The following NOS1AP variants were observed in gnomAD, a reference collection of about 807,000 sequenced individuals.
The protein encoded by NOS1AP is carboxyl-terminal PDZ ligand of neuronal nitric oxide synthase protein.
In NOS1AP, 21 loss-of-function variants were observed where a neutral mutation model predicts 56.2. The observed-to-expected ratio is 0.37, with a 90% CI of 0.26 to 0.54. The LOEUF (loss-of-function observed/expected upper bound fraction) is 0.54. NOS1AP is among the 20% of genes least tolerant of loss of function. The pLI is 0.84. For missense variants in NOS1AP, 522 were observed against 657.8 expected, an observed-to-expected ratio of 0.79 and a Z score of 2.26; for synonymous variants, 270 against 274.6, an observed-to-expected ratio of 0.98 and a Z score of 0.17.
chr1:162,198,103 A>G (rs1388301683), intron 2 of NOS1AP, among the ~76,000 whole-genome samples: 2 of 152,096 alleles, frequency 1.3e-5, no homozygotes, highest in African/African-American at 2.4e-5. Context: ...GCGTTCTAGG[A>G]GCATGATGAG....
chr1:162,168,635 AG>A (rs1472484097), intron 2 of NOS1AP, among the ~76,000 whole-genome samples: 2 of 151,488 alleles, frequency 1.3e-5, no homozygotes, highest in African/African-American at 4.8e-5. Context: ...GCTTGTGGGC[AG>A]GGGGGTGTGT....
chr1:162,229,914 C>G (rs1166395150), intron 2 of NOS1AP, among the ~76,000 whole-genome samples: 1 of 151,872 alleles, frequency 6.6e-6, no homozygotes, highest in African/African-American at 2.4e-5. Context: ...TTTTTCATTA[C>G]TAATGGTATC....
intron 2 of NOS1AP, among the ~76,000 whole-genome samples, chr1:162,250,073 A>G (rs1162427825): frequency 6.6e-6 from 1 of 152,214 alleles, no homozygotes; most frequent in Non-Finnish European, 1.5e-5. Context: ...CTCTCAGAGC[A>G]CTGCCTAGAG....
chr1:162,164,715 G>C (rs1278364526), intron 2 of NOS1AP, among the ~76,000 whole-genome samples: 1 of 152,162 alleles, frequency 6.6e-6, no homozygotes, highest in Non-Finnish European at 1.5e-5. Flanking sequence ...TGGCTGAATA[G>C]TATTCCCTTC....
intron 3 of NOS1AP, among the ~76,000 whole-genome samples, chr1:162,298,878 A>G (rs534549730): frequency 3.3e-5 from 5 of 152,376 alleles, no homozygotes; most frequent in African/African-American, 1.2e-4. Context: ...ATTAGAACTG[A>G]AAAATATAAT....
At chr1:162,261,935 T>G (rs911366073) in intron 2 of NOS1AP, among the ~76,000 whole-genome samples, 2 of 152,100 alleles carry the variant, frequency 1.3e-5, no homozygotes, top group Non-Finnish European at 2.9e-5. Context: ...GAAAGACAAC[T>G]CTTATTTTGG....
At chr1:162,138,800 T>C (rs549962767) in intron 1 of NOS1AP, among the ~76,000 whole-genome samples, 1 of 152,318 alleles carries the variant, frequency 6.6e-6, no homozygotes, top group East Asian at 1.9e-4. Context: ...AGGGGTGTTT[T>C]ACTGTCTTGC....
At chr1:162,233,149 C>T (rs1653175581) in intron 2 of NOS1AP, among the ~76,000 whole-genome samples, 1 of 152,202 alleles carries the variant, frequency 6.6e-6, no homozygotes, top group African/African-American at 2.4e-5. Context: ...TAGGGCCAAG[C>T]ACTGGCATTT....
chr1:162,186,444 C>CGG (rs1313192980), intron 2 of NOS1AP, among the ~76,000 whole-genome samples: 2 of 152,074 alleles, frequency 1.3e-5, no homozygotes, highest in African/African-American at 4.8e-5. Flanking sequence ...AACCCCAGCT[C>CGG]TCTCCCACTG....
intron 2 of NOS1AP, among the ~76,000 whole-genome samples, chr1:162,286,524 A>G (rs1655093467): frequency 6.6e-6 from 1 of 152,226 alleles, no homozygotes. Context: ...GAATTATACC[A>G]CCAGTTATGA....
chr1:162,209,504 G>A (rs552015346), intron 2 of NOS1AP, among the ~76,000 whole-genome samples: 119 of 152,328 alleles, frequency 7.8e-4, no homozygotes, highest in Non-Finnish European at 1.4e-3. Context: ...TCTGCTAAGT[G>A]TCTATGAGGA....
At chr1:162,141,286 A>G (rs1649225160) in intron 1 of NOS1AP, among the ~76,000 whole-genome samples, 1 of 152,238 alleles carries the variant, frequency 6.6e-6, no homozygotes, top group South Asian at 2.1e-4. Context: ...TAGAGCAGCT[A>G]GAAAGTGGTG....
chr1:162,303,351 A>C (rs916128058), intron 4 of NOS1AP, among the ~76,000 whole-genome samples: 1 of 152,240 alleles, frequency 6.6e-6, no homozygotes, highest in Non-Finnish European at 1.5e-5. Context: ...CAGTATTGTC[A>C]GTCCTTTTAA....
chr1:162,082,492 T>C (rs955200646), intron 1 of NOS1AP, among the ~76,000 whole-genome samples: 33 of 152,216 alleles, frequency 2.2e-4, no homozygotes, highest in African/African-American at 7.2e-4. Flanking sequence ...TTTCTGTCTT[T>C]AGGTCTTTGA....
intron 1 of NOS1AP, among the ~76,000 whole-genome samples, chr1:162,086,412 T>A (rs1692004145): frequency 6.6e-6 from 1 of 152,200 alleles, no homozygotes; most frequent in Non-Finnish European, 1.5e-5. Context: ...TATCTGTTAT[T>A]TCTGTCTTCT....
intron 2 of NOS1AP, among the ~76,000 whole-genome samples, chr1:162,260,953 G>T (rs1487113200): frequency 6.9e-6 from 1 of 144,132 alleles, no homozygotes; most frequent in South Asian, 2.3e-4. Flanking sequence ...CTGAAGAGAT[G>T]ATTTCCTCAA....
At chr1:162,308,150 A>C (rs190576195) in intron 4 of NOS1AP, among the ~76,000 whole-genome samples, 26 of 152,376 alleles carry the variant, frequency 1.7e-4, no homozygotes, top group African/African-American at 5.3e-4. Context: ...AAGTAGACCC[A>C]TTCCCAAGAT....
chr1:162,252,823 C>T (rs1207106646), intron 2 of NOS1AP, among the ~76,000 whole-genome samples: 3 of 152,114 alleles, frequency 2.0e-5, no homozygotes, highest in Admixed American at 1.3e-4. Flanking sequence ...AAATAAAATT[C>T]AGTTTTTTGG....
chr1:162,180,793 C>A (rs1441035159), intron 2 of NOS1AP, among the ~76,000 whole-genome samples: 1 of 152,174 alleles, frequency 6.6e-6, no homozygotes. Context: ...ACCATGGTTG[C>A]AGCTTTGCAA....
Sources: allele counts gnomAD v4.1 joint callset (sites outside exome capture counted in the v4.1 genomes callset), GRCh38; gene constraint gnomAD v4.1.1; transcripts MANE v1.5; gene names NCBI Gene and HGNC (gene_info 2026-07-23, HGNC 2026-07-21).